Variants in PARPBP observed in about 807,000 individuals in gnomAD.
PARPBP encodes the protein PARP1 binding protein, also known as PCNA-interacting partner.
Under a neutral mutation model 50.0 loss-of-function variants are expected in PARPBP, and 52 were observed. The observed-to-expected ratio is 1.04, with a 90% CI of 0.83 to 1.31. PARPBP has a LOEUF of 1.31. Among genes scored for constraint, PARPBP ranks in the 50% most tolerant of loss-of-function variants. PARPBP has a pLI of 0.00. For missense variants in PARPBP, 697 were observed against 672.0 expected, an observed-to-expected ratio of 1.04 and a Z score of -0.41; for synonymous variants, 244 against 232.1, an observed-to-expected ratio of 1.05 and a Z score of -0.47.
At chr12:102,183,811 AC>A (rs1242050129) in intron 9 of PARPBP, among the ~76,000 whole-genome samples, 1 of 151,944 alleles carries the variant, frequency 6.6e-6, no homozygotes, top group African/African-American at 2.4e-5. Context: ...ATGGTGGCTC[AC>A]TCCTGTAATC....
intron 2 of PARPBP, among the ~76,000 whole-genome samples, chr12:102,143,119 T>A (rs1342369705): frequency 6.6e-6 from 1 of 152,196 alleles, no homozygotes; most frequent in Admixed American, 6.5e-5. Flanking sequence ...CGGGCCTCCT[T>A]GAGCTGTGGT....
rs755332161 is a variant in PARPBP at position 102,175,547 on chromosome 12, G to T, written c.886G>T (p.Asp296Tyr). The T allele has an allele frequency of 8.1e-6, 13 of 1,613,318 alleles. No individual in the cohort carries two copies. In the South Asian group the frequency reaches 1.3e-4, roughly 16 times the overall value. Residue 296 changes from aspartate (D) to tyrosine (Y), a missense_variant, in exon 7 of 11, where the codon GAT becomes TAT. Asp to Tyr is a radical substitution (Grantham distance 160). Transcript: ENST00000327680. The stretch of plus-strand genomic sequence containing the variant: ...ACTGATTAAAGGCCAAAACAGCAGG[G>T]ATCCTTTTTGCAAAGCAATAGAGGA... ...MQLIKGQNSR[D>Y]PFCKAIEEVA...
chr12:102,180,651 C>G (rs1889738456), intron 8 of PARPBP, among the ~76,000 whole-genome samples: 1 of 152,162 alleles, frequency 6.6e-6, no homozygotes, highest in Non-Finnish European at 1.5e-5. Context: ...CCCAGGATTG[C>G]TTGAGGCCGC....
chr12:102,147,211 G>A (rs905476084), intron 2 of PARPBP, among the ~76,000 whole-genome samples: 3 of 152,294 alleles, frequency 2.0e-5, no homozygotes, highest in Admixed American at 6.5e-5. Context: ...CCATCCCATT[G>A]CTGGGTATAT....
chr12:102,186,084 T>A (rs145416373), intron 9 of PARPBP, among the ~76,000 whole-genome samples: 5 of 152,162 alleles, frequency 3.3e-5, no homozygotes, highest in Non-Finnish European at 7.3e-5. Context: ...TTTTTCTAGG[T>A]TTTCCAATTT....
rs71438459 is a variant in PARPBP, at chr12:102,184,046, GAAAAAAAA to G, written c.1263+1432_1263+1439del. Among the ~76,000 whole-genome samples, 22 of 59,976 alleles carry G rather than the reference GAAAAAAAA, an allele frequency of 3.7e-4. 1 individual carries two copies. Among genetic ancestry groups the G allele is most frequent in the Admixed American group, 1.1e-3 (5 of 4,756 alleles). 39.3% of individuals were successfully genotyped at this position (59,976 alleles called of 152,430 possible). On this transcript the variant is annotated intron_variant, in intron 9 of 10. Coordinates refer to ENST00000327680, the MANE Select transcript of PARPBP (RefSeq NM_017915.5). ...TGGGTGACAAAATGAGACTCTATCT[GAAAAAAAA>G]AAAAAAAAAAAAGAAAGAATGTAAG...
intron 7 of PARPBP, among the ~76,000 whole-genome samples, chr12:102,177,674 C>T (rs891426903): frequency 1.3e-5 from 2 of 152,106 alleles, no homozygotes; most frequent in Non-Finnish European, 2.9e-5. Context: ...TCGTATCTCA[C>T]AATATATTTT....
chr12:102,156,217 C>A, intron 4 of PARPBP, among the ~76,000 whole-genome samples: 1 of 109,664 alleles, frequency 9.1e-6, no homozygotes, highest in South Asian at 3.1e-4. Context: ...GACGGTGTCT[C>A]CTTCTGTCAC....
At chr12:102,125,524 G>A (rs1457942967) in intron 2 of PARPBP, among the ~76,000 whole-genome samples, 1 of 152,170 alleles carries the variant, frequency 6.6e-6, no homozygotes, top group Admixed American at 6.5e-5. Context: ...GGAGGAGCAG[G>A]TGTAGTGGCC....
rs1455647781 is a variant in PARPBP at position 102,148,531 on chromosome 12, G to C, written c.387+68G>C. The C allele has an allele frequency of 1.1e-5, 7 of 609,064 alleles. No individual in the cohort carries two copies. The Admixed American group carries it at 1.5e-4, about 13-fold the overall frequency. 37.7% of individuals were successfully genotyped at this position (609,064 alleles called of 1,614,324 possible). On this transcript the variant is annotated intron_variant, in intron 3 of 10. Transcript: ENST00000327680. ...TTAGCTCTATTTATTTTGAATTATA[G>C]TATCACCAGTTATAGTAACTTGGTA...
intron 5 of PARPBP, 42 bp from the exon 6 acceptor site, chr12:102,165,687 T>C (rs377274725): frequency 3.4e-6 from 5 of 1,479,972 alleles, no homozygotes; most frequent in Non-Finnish European, 2.8e-6. Flanking sequence ...TACAGTTTAA[T>C]AAATCACTGG....
At chr12:102,127,114 G>A (rs1437766201) in intron 2 of PARPBP, among the ~76,000 whole-genome samples, 1 of 152,076 alleles carries the variant, frequency 6.6e-6, no homozygotes, top group Non-Finnish European at 1.5e-5. Flanking sequence ...ACATTTATGG[G>A]CTAGACACAC....
rs796786446 is a variant in PARPBP at position 102,155,282 on chromosome 12, C to CA, written c.495+1315dup. The CA allele has an allele frequency of 1.9e-3, 284 of 149,300 alleles. 1 individual carries two copies. Among genetic ancestry groups the CA allele is most frequent in the Middle Eastern group, 0.014 (4 of 296 alleles). The allele number at this position is 149,300 out of a possible 1,614,324, so 9.2% of individuals were successfully genotyped here. A position where few individuals can be genotyped will look rare whatever the true frequency, so the allele number is the denominator to read the frequency against. On this transcript the variant is annotated intron_variant, in intron 4 of 10. Transcript: ENST00000327680. ...TGAGTGACAGAGGAAGACTCCATCT[C>CA]AAAAAAAAACAAAAACAAAACAAAA... is the stretch of plus-strand genomic sequence containing the variant.
At chr12:102,183,015 G>A (rs988234543) in intron 9 of PARPBP, among the ~76,000 whole-genome samples, 2 of 152,128 alleles carry the variant, frequency 1.3e-5, no homozygotes, top group African/African-American at 4.8e-5. Context: ...AGATATAATG[G>A]CAGAATATAA....
chr12:102,178,702 A>G lies in PARPBP; in HGVS notation c.1116A>G (p.Lys372=), dbSNP rs868336079. The G allele has an allele frequency of 1.2e-5, 20 of 1,613,736 alleles. 1 individual carries two copies. In the Middle Eastern group the frequency reaches 3.0e-3, roughly 240 times the overall value. The part of the protein sequence containing the change: ...EEAANAPTKN[K]AELLYDEENT... ...CAGCTAATGCTCCTACCAAAAACAA[A>G]GCAGAGCTTTTATATGATGAGGAAA... The change falls in exon 8 of 11, where the codon AAA becomes AAG. Residue 372 remains lysine, a synonymous_variant. Transcript: ENST00000327680.
intron 6 of PARPBP, among the ~76,000 whole-genome samples, chr12:102,173,601 T>TA (rs1263795047): frequency 2.0e-5 from 3 of 151,962 alleles, no homozygotes; most frequent in East Asian, 3.9e-4. Context: ...GGATTTTTTT[T>TA]TAAAAAAAAC....
chr12:102,170,855 AT>A (rs1188154432), intron 6 of PARPBP, among the ~76,000 whole-genome samples: 7 of 138,212 alleles, frequency 5.1e-5, no homozygotes, highest in Non-Finnish European at 7.9e-5. Context: ...GCTGTACAGA[AT>A]TTTTTTCTCT....
At chr12:102,163,142 G>T (rs1197796823) in intron 4 of PARPBP, among the ~76,000 whole-genome samples, 1 of 152,162 alleles carries the variant, frequency 6.6e-6, no homozygotes, top group African/African-American at 2.4e-5. Flanking sequence ...TTGCACATTT[G>T]TGAAAAATCA....
intron 5 of PARPBP, among the ~76,000 whole-genome samples, chr12:102,165,408 A>G (rs1027008004): frequency 3.9e-5 from 6 of 152,172 alleles, no homozygotes; most frequent in Non-Finnish European, 5.9e-5. Context: ...CAACTATATT[A>G]TAATATATTC....
Sources: allele counts gnomAD v4.1 joint callset (sites outside exome capture counted in the v4.1 genomes callset), GRCh38; gene constraint gnomAD v4.1.1; transcripts MANE v1.5; gene names NCBI Gene and HGNC (gene_info 2026-07-23, HGNC 2026-07-21).